GLI2: variants seen among roughly 807,000 people sequenced by gnomAD.
GLI2 encodes the protein transcription activator GLI2.
GLI2 carries 22 observed loss-of-function variants against 78.9 expected under a neutral mutation model. The observed-to-expected ratio is 0.28, with a 90% CI of 0.20 to 0.40. GLI2 has a LOEUF of 0.40. GLI2 is among the 10% of genes least tolerant of loss of function. The probability of loss-of-function intolerance (pLI) is 1.00; values close to 1 mark genes in which losing one functional copy is unlikely to be tolerated. For missense variants in GLI2, 2,097 were observed against 2,213.2 expected (o/e 0.95, Z 1.05); for synonymous variants, 974 against 963.7 (o/e 1.01, Z -0.20).
chr2:120,975,209 G>A, intron 9 of GLI2, 100 bp downstream of exon 9: 2 of 1,165,598 alleles, frequency 1.7e-6, no homozygotes, highest in Non-Finnish European at 2.5e-6. Context: ...AGGGGCTGGA[G>A]GAAGAGACCC....
chr2:120,797,298 A>G lies in GLI2; in HGVS notation c.-23A>G, dbSNP rs754366962. 6.2e-7 allele frequency: 1 copy of G among 1,613,546 alleles called. No homozygotes were observed. Among genetic ancestry groups the G allele is most frequent in the Admixed American group, 1.7e-5 (1 of 60,020 alleles). On this transcript the variant is annotated 5_prime_UTR_variant, in exon 2 of 14. Transcript: ENST00000361492. ...CTTTGTCTTCTCTTTTAGGATTGCC[A>G]CCCAGGACGATGAGCGGCTGAGATG... is the stretch of plus-strand genomic sequence containing the variant.
Position 120,737,503 on chromosome 2 carries a change from T to A in GLI2, c.-31+1218T>A, listed in dbSNP as rs1682405073. Among the ~76,000 whole-genome samples, 1 of 152,134 alleles carries A rather than the reference T, an allele frequency of 6.6e-6. No individual in the cohort carries two copies. Among genetic ancestry groups the A allele is most frequent in the African/African-American group, 2.4e-5 (1 of 41,422 alleles). On this transcript the variant is annotated intron_variant, in intron 1 of 13. Coordinates refer to ENST00000361492, the MANE Select transcript of GLI2 (RefSeq NM_001374353.1). The surrounding 1 kb of genome is among the most constrained non-coding windows in gnomAD (Gnocchi z 4.3). ...GATCCCAGCTGGAAAAGTAGACCTG[T>A]CCCTACTGTCTGGTCCCGCGCCCTG...
intron 2 of GLI2, among the ~76,000 whole-genome samples, chr2:120,887,477 C>G (rs1465762837): frequency 6.6e-6 from 1 of 152,268 alleles, no homozygotes; most frequent in Non-Finnish European, 1.5e-5. Context: ...ATAGCCCACT[C>G]CCCGCGCTGG....
intron 1 of GLI2, among the ~76,000 whole-genome samples, chr2:120,746,788 C>G (rs964719451): frequency 6.6e-6 from 1 of 152,036 alleles, no homozygotes; most frequent in African/African-American, 2.4e-5. Flanking sequence ...GGTTAAATTT[C>G]CTGCTAGTCT....
intron 3 of GLI2, among the ~76,000 whole-genome samples, chr2:120,934,681 A>G (rs187298779): frequency 3.9e-5 from 6 of 152,244 alleles, no homozygotes; most frequent in Admixed American, 6.5e-5. Flanking sequence ...CAAAATGCAT[A>G]TTACCCAGGG....
intron 5 of GLI2, among the ~76,000 whole-genome samples, chr2:120,957,849 T>C (rs1333259125): frequency 6.6e-6 from 1 of 152,258 alleles, no homozygotes; most frequent in African/African-American, 2.4e-5. Context: ...AGAAATATGC[T>C]CCTTACTTTA....
At chr2:120,972,822 C>A (rs929862336) in intron 8 of GLI2, among the ~76,000 whole-genome samples, 3 of 152,202 alleles carry the variant, frequency 2.0e-5, no homozygotes, top group Admixed American at 6.5e-5. Flanking sequence ...CCACGTGGCC[C>A]AGACCCTGTG....
At chr2:120,895,898 C>G (rs992234633) in intron 2 of GLI2, among the ~76,000 whole-genome samples, 1 of 152,148 alleles carries the variant, frequency 6.6e-6, no homozygotes, top group African/African-American at 2.4e-5. Flanking sequence ...TTCTAACCAA[C>G]ACCTTGATAT....
chr2:120,899,322 C>G (rs1678130284), intron 2 of GLI2, among the ~76,000 whole-genome samples: 1 of 152,162 alleles, frequency 6.6e-6, no homozygotes, highest in Non-Finnish European at 1.5e-5. Flanking sequence ...GCACGTTTCT[C>G]ACTTTAGGGG....
rs184019894 is a variant in GLI2 at position 120,914,716 on chromosome 2, C to T, written c.149-12645C>T. Among the ~76,000 whole-genome samples, 9 of 152,304 alleles carry T rather than the reference C, an allele frequency of 5.9e-5. No homozygotes were observed. The East Asian group carries it at 7.7e-4, about 13-fold the overall frequency. On this transcript the variant is annotated intron_variant, in intron 2 of 13. Transcript: ENST00000361492. ...GAGGGGTCTGTAGGGATGGCCACAC[C>T]GGCACCCTTCGGGGCCCTACTGCGT...
intron 2 of GLI2, among the ~76,000 whole-genome samples, chr2:120,864,857 C>T (rs1688054368): frequency 6.6e-6 from 1 of 152,194 alleles, no homozygotes; most frequent in South Asian, 2.1e-4. Context: ...AGAGAACCAG[C>T]TCAGAATCAT....
chr2:120,898,653 G>A (rs1314505194), intron 2 of GLI2, among the ~76,000 whole-genome samples: 2 of 152,160 alleles, frequency 1.3e-5, no homozygotes, highest in East Asian at 3.9e-4. Context: ...TGGGCACAGC[G>A]TTTTCGGAGG....
intron 2 of GLI2, among the ~76,000 whole-genome samples, chr2:120,818,306 G>A (rs905667737): frequency 1.3e-5 from 2 of 152,256 alleles, no homozygotes; most frequent in African/African-American, 4.8e-5. Context: ...CATCCAAGAA[G>A]AAGCCTCCAA....
chr2:120,917,165 CT>C (rs1348846107), intron 2 of GLI2, among the ~76,000 whole-genome samples: 2 of 152,252 alleles, frequency 1.3e-5, no homozygotes, highest in Admixed American at 1.3e-4. Context: ...AATGACGGTG[CT>C]GATCGCCATC....
At position 120,986,299 on chromosome 2, in the gene GLI2, G is replaced by T. The variant is rs757022100; in HGVS notation, c.1927G>T (p.Ala643Ser). ...SSGLCQSSPG[A>S]QSSCSSEPSP... is the part of the protein sequence containing the mutation. ...GCAGCTGTGTCAGTCCAGCCCCGGG[G>T]CCCAGTCGTCCTGCAGCAGCGAGCC... Residue 643 changes from alanine to serine, a missense_variant, in exon 13 of 14, where the codon GCC (alanine) becomes TCC (serine). This residue lies in a region of GLI2 where 68 missense variants were observed against 104.4 expected (regional missense o/e 0.65). Coordinates refer to ENST00000361492, the MANE Select transcript of GLI2 (RefSeq NM_001374353.1). 1 of 1,613,202 alleles carries T rather than the reference G, an allele frequency of 6.2e-7. No homozygotes were observed. The highest frequency in any genetic ancestry group is 8.5e-7 in the Non-Finnish European group (1 of 1,179,998).
intron 1 of GLI2, among the ~76,000 whole-genome samples, chr2:120,793,812 C>T (rs544048471): frequency 1.1e-4 from 17 of 152,294 alleles, no homozygotes; most frequent in African/African-American, 2.2e-4. Context: ...GTTTCTGGAG[C>T]GACCACGCCC....
chr2:120,923,217 C>T (rs533555765), intron 2 of GLI2, among the ~76,000 whole-genome samples: 12 of 140,534 alleles, frequency 8.5e-5, no homozygotes, highest in Admixed American at 4.4e-4. Context: ...ACAGCACACA[C>T]GTACACATAT....
intron 2 of GLI2, among the ~76,000 whole-genome samples, chr2:120,839,645 C>T (rs2104575142): frequency 6.6e-6 from 1 of 152,294 alleles, no homozygotes; most frequent in East Asian, 1.9e-4. Context: ...TCACTGCAAC[C>T]TCCGCCTCCC....
At chr2:120,813,646 C>T (rs1004883173) in intron 2 of GLI2, among the ~76,000 whole-genome samples, 1 of 152,142 alleles carries the variant, frequency 6.6e-6, no homozygotes, top group African/African-American at 2.4e-5. Context: ...GCCCCAGATC[C>T]CCAGGTCCCC....
Sources: gnomAD v4.1 joint callset for allele counts (sites outside exome capture counted in the v4.1 genomes callset) on GRCh38, gnomAD v4.1.1 for gene constraint, gnomAD v4.1.1 regional missense constraint, Gnocchi (gnomAD v3.1) non-coding constraint, MANE v1.5 for transcripts, NCBI Gene and HGNC (gene_info 2026-07-23, HGNC 2026-07-21) for gene names.